Variants in ZNF74 observed in about 807,000 individuals in gnomAD.
ZNF74 encodes zinc finger protein 520.
A neutral mutation model predicts 17.7 loss-of-function variants in ZNF74; 12 were observed. The observed-to-expected ratio is 0.68, with a 90% CI of 0.43 to 1.10. ZNF74 has a LOEUF of 1.10. Among genes scored for constraint, ZNF74 ranks in the 50% least tolerant of loss-of-function variants. ZNF74 has a pLI of 0.00. For missense variants in ZNF74, 811 were observed against 881.0 expected (o/e 0.92, Z 1.01); for synonymous variants, 358 against 362.1 (o/e 0.99, Z 0.13).
At chr22:20,402,660 G>C (rs1203808070) in intron 4 of ZNF74, among the ~76,000 whole-genome samples, 1 of 152,254 alleles carries the variant, frequency 6.6e-6, no homozygotes, top group East Asian at 1.9e-4. Flanking sequence ...AATTAGCTGG[G>C]CATGGTGGTG....
At position 20,394,209 on chromosome 22, in the gene ZNF74, G is replaced by C; in HGVS notation, c.-420G>C. On this transcript the variant is annotated 5_prime_UTR_variant, in exon 1 of 5. Transcript: ENST00000400451. The stretch of plus-strand genomic sequence containing the variant: ...CAGTCCTTTTGTGGGAGTCCGGTCT[G>C]TCCACTTGCCGGTCCCTCAGACCGT... 1 of 691,480 alleles carries C rather than the reference G, an allele frequency of 1.4e-6. No homozygotes were observed. The highest frequency in any genetic ancestry group is 2.7e-6 in the Non-Finnish European group (1 of 375,734). 42.8% of individuals were successfully genotyped at this position (691,480 alleles called of 1,614,324 possible).
Position 20,400,656 on chromosome 22 carries a change from G to A in ZNF74, c.145G>A (p.Ala49Thr). The change falls in exon 3 of 5, where the codon GCT (alanine) becomes ACT (threonine). Residue 49 changes from alanine (A) to threonine (T), a missense_variant. Physicochemically the swap from Ala to Thr is moderately conservative, Grantham distance 58. Coordinates refer to ENST00000400451, the MANE Select transcript of ZNF74 (RefSeq NM_003426.4). ...GGAATCGGTGAGTTTCAAGGATGTGGCTGTGGACTTCACCCAGGAGGAGTG... is the reference window on the plus strand; with the variant it reads ...GGAATCGGTGAGTTTCAAGGATGTGACTGTGGACTTCACCCAGGAGGAGTG... ...SKESVSFKDV[A>T]VDFTQEEWGQ... The A allele has an allele frequency of 6.2e-7, 1 of 1,614,158 alleles. No homozygotes were observed. Among genetic ancestry groups the A allele is most frequent in the Non-Finnish European group, 8.5e-7 (1 of 1,180,022 alleles).
intron 1 of ZNF74, 152 bp from the exon 2 acceptor site, chr22:20,395,181 C>T: frequency 1.6e-6 from 1 of 607,886 alleles, no homozygotes; most frequent in Non-Finnish European, 3.0e-6. Context: ...GATGCTGTTT[C>T]TGTTGGTGCT....
Position 20,406,925 on chromosome 22 carries a change from G to C in ZNF74, c.1892G>C (p.Arg631Thr). The C allele has an allele frequency of 6.2e-7, 1 of 1,613,746 alleles. No individual in the cohort carries two copies. Among genetic ancestry groups the C allele is most frequent in the South Asian group, 1.1e-5 (1 of 91,060 alleles). Reference protein sequence around the residue: ...VAKLLCVVPPRAGRNFSLGSK... With the variant: ...VAKLLCVVPPTAGRNFSLGSK... ...AAGCTCTTGTGCGTGGTTCCCCCCA[G>C]AGCTGGCAGGAATTTCTCCCTGGGG... Residue 631 changes from arginine to threonine, a missense_variant, in exon 5 of 5, where the codon AGA becomes ACA. Physicochemically the swap from Arg to Thr is moderately conservative, Grantham distance 71. Coordinates refer to ENST00000400451, the MANE Select transcript of ZNF74 (RefSeq NM_003426.4).
intron 2 of ZNF74, among the ~76,000 whole-genome samples, chr22:20,395,732 C>T (rs1037509759): frequency 6.6e-6 from 1 of 152,150 alleles, no homozygotes; most frequent in African/African-American, 2.4e-5. Flanking sequence ...TGACGGCTCA[C>T]ATGGGGTCGC....
Position 20,401,355 on chromosome 22 carries a change from C to G in ZNF74, c.326C>G (p.Pro109Arg). Residue 109 changes from proline to arginine, a missense_variant, in exon 4 of 5, where the codon CCC becomes CGC. Physicochemically the swap from Pro to Arg is moderately radical, Grantham distance 103. This residue lies in a region of ZNF74 where 666 missense variants were observed against 702.3 expected (regional missense o/e 0.95). Transcript: ENST00000400451. The surrounding 1 kb of genome is among the most constrained non-coding windows in gnomAD (Gnocchi z 4.2). ...CCATGGAGCATGCAGAGGGAAGTCCCCAGAGGGCCCTGTCCAGGTGAGCAG... is the reference window on the plus strand; with the variant it reads ...CCATGGAGCATGCAGAGGGAAGTCCGCAGAGGGCCCTGTCCAGGTGAGCAG... ...EEPWSMQREV[P>R]RGPCPEWELK... 1 of 1,607,290 alleles carries G rather than the reference C, an allele frequency of 6.2e-7. No individual in the cohort carries two copies. The highest frequency in any genetic ancestry group is 1.1e-5 in the South Asian group (1 of 89,588).
chr22:20,395,797 T>G (rs2052286436), intron 2 of ZNF74, among the ~76,000 whole-genome samples: 1 of 152,106 alleles, frequency 6.6e-6, no homozygotes, highest in African/African-American at 2.4e-5. Flanking sequence ...CACGGTTGGT[T>G]TACTGGGACT....
At position 20,401,129 on chromosome 22, in the gene ZNF74, G is replaced by T; in HGVS notation, c.248-148G>T. 1 of 621,944 alleles carries T rather than the reference G, an allele frequency of 1.6e-6. No homozygotes were observed. 38.5% of individuals were successfully genotyped at this position (621,944 alleles called of 1,614,324 possible). A position where few individuals can be genotyped will look rare whatever the true frequency, so the allele number is the denominator to read the frequency against. On this transcript the variant is annotated intron_variant, in intron 3 of 4. Transcript: ENST00000400451. This position sits in a 1 kb window ranked among gnomAD's most constrained non-coding sequence, Gnocchi z 4.2. ...CACTGGGATTTGGGTTCCAGTCTGA[G>T]ACCCTCACTGCTTTTGGCCCAGAGG...
At position 20,408,034 on chromosome 22, in the gene ZNF74, G is replaced by A. The variant is rs2052452142; in HGVS notation, c.*1066G>A. On this transcript the variant is annotated 3_prime_UTR_variant, in exon 5 of 5. Coordinates refer to ENST00000400451, the MANE Select transcript of ZNF74 (RefSeq NM_003426.4). ...CCAGGGCTGGGCAGGGCCACCCTGG[G>A]CTGGTGAGGCTGCCCTGCAGGGCTT... The A allele has an allele frequency of 1.3e-5, 2 of 152,222 alleles. No individual in the cohort carries two copies. The allele number at this position is 152,222 out of a possible 1,614,324, so 9.4% of individuals were successfully genotyped here. A position where few individuals can be genotyped will look rare whatever the true frequency, so the allele number is the denominator to read the frequency against.
Position 20,407,002 on chromosome 22 carries a change from G to T in ZNF74, c.*34G>T. On this transcript the variant is annotated 3_prime_UTR_variant, in exon 5 of 5. Transcript: ENST00000400451. The stretch of plus-strand genomic sequence containing the variant: ...GCTTTGGTGTCAGTAGCTGCTTTCT[G>T]AGCTACTCAACAAGGAAAGCACCCT... 6.4e-7 allele frequency: 1 copy of T among 1,572,958 alleles called. No homozygotes were observed. Among genetic ancestry groups the T allele is most frequent in the South Asian group, 1.2e-5 (1 of 83,456 alleles).
chr22:20,398,983 A>G (rs1294619875), intron 2 of ZNF74, among the ~76,000 whole-genome samples: 2 of 152,316 alleles, frequency 1.3e-5, no homozygotes, highest in African/African-American at 4.8e-5. Flanking sequence ...TTTTCCAGAT[A>G]ACTTTCTATT....
In ZNF74 at chr22:20,395,875, G is replaced by A. The variant is rs186299582; in HGVS notation, c.120+457G>A. 8.5e-5 allele frequency among the ~76,000 whole-genome samples: 13 copies of A among 152,242 alleles called. No homozygotes were observed. The South Asian group carries it at 1.5e-3, about 17-fold the overall frequency. On this transcript the variant is annotated intron_variant, in intron 2 of 4. Transcript: ENST00000400451. Reference sequence around the variant, plus strand: ...ATTGCAGCACTTGGTTAAGAGTGGCGGTAGGGGACACATCCCTGTGTGCTT... The same window carrying A: ...ATTGCAGCACTTGGTTAAGAGTGGCAGTAGGGGACACATCCCTGTGTGCTT...
In ZNF74 at chr22:20,401,763, C is replaced by T. The variant is rs1478436250; in HGVS notation, c.343+391C>T. Among the ~76,000 whole-genome samples, 2 of 151,944 alleles carry T rather than the reference C, an allele frequency of 1.3e-5. No individual in the cohort carries two copies. The highest frequency in any genetic ancestry group is 2.9e-5 in the Non-Finnish European group (2 of 67,990). Reference sequence around the variant, plus strand: ...GCATGAGCATCAGCATCAGGGCCAGCGTCAGCGTCAGGGTCAGAGCCAGCA... The same window carrying T: ...GCATGAGCATCAGCATCAGGGCCAGTGTCAGCGTCAGGGTCAGAGCCAGCA... On this transcript the variant is annotated intron_variant, in intron 4 of 4. Transcript: ENST00000400451. This position sits in a 1 kb window ranked among gnomAD's most constrained non-coding sequence, Gnocchi z 4.2.
At chr22:20,402,102 C>G (rs1265702980) in intron 4 of ZNF74, among the ~76,000 whole-genome samples, 6 of 152,218 alleles carry the variant, frequency 3.9e-5, no homozygotes, top group African/African-American at 1.4e-4. Context: ...ACAGTGACTG[C>G]TGAGCATGTT....
intron 2 of ZNF74, chr22:20,399,640 G>A (rs1210759679): frequency 2.9e-6 from 1 of 348,174 alleles, no homozygotes; most frequent in Admixed American, 4.2e-5. Context: ...GCGCAATCTT[G>A]GCTCACTGCA....
Position 20,407,359 on chromosome 22 carries a change from C to A in ZNF74, c.*391C>A. ...ATCACTTGAGCCCAGGAGTCTAGGACCAGCCTGGACAACATGGTGAGACCT... is the reference window on the plus strand; with the variant it reads ...ATCACTTGAGCCCAGGAGTCTAGGAACAGCCTGGACAACATGGTGAGACCT... On this transcript the variant is annotated 3_prime_UTR_variant, in exon 5 of 5. Transcript: ENST00000400451. The A allele has an allele frequency of 5.2e-6, 1 of 193,528 alleles. No homozygotes were observed. Among genetic ancestry groups the A allele is most frequent in the African/African-American group, 2.4e-5 (1 of 42,488 alleles). The allele number at this position is 193,528 out of a possible 1,614,324, so 12.0% of individuals were successfully genotyped here.
intron 4 of ZNF74, among the ~76,000 whole-genome samples, chr22:20,403,248 G>A (rs1179774035): frequency 1.3e-5 from 2 of 150,994 alleles, no homozygotes; most frequent in African/African-American, 4.9e-5. Flanking sequence ...AGCAACACCA[G>A]CTGAGCTGCA....
chr22:20,405,629 A>T lies in ZNF74; in HGVS notation c.596A>T (p.Asp199Val). 6.2e-7 allele frequency: 1 copy of T among 1,613,242 alleles called. No homozygotes were observed. Among genetic ancestry groups the T allele is most frequent in the Non-Finnish European group, 8.5e-7 (1 of 1,179,658 alleles). Residue 199 changes from aspartate to valine, a missense_variant, in exon 5 of 5, where the codon GAC becomes GTC. Asp to Val is a radical substitution (Grantham distance 152). Coordinates refer to ENST00000400451, the MANE Select transcript of ZNF74 (RefSeq NM_003426.4). ...GTTCCCGAGGGGGGACCCTTGCTGG[A>T]CACACGCAAGAACGTCCAGGCCACT... ...QRVPEGGPLL[D>V]TRKNVQATEG...
At position 20,405,918 on chromosome 22, in the gene ZNF74, G is replaced by A. The variant is rs757050525; in HGVS notation, c.885G>A (p.Arg295=). Residue 295 remains arginine (R), a synonymous_variant, in exon 5 of 5, where the codon CGG becomes CGA. Transcript: ENST00000400451. ...FTWSTNLLEH[R]RIHTGEKPFF... is the part of the protein sequence containing the mutation. Reference sequence around the variant, plus strand: ...GGAGCACCAACCTTCTGGAGCACCGGCGCATCCACACCGGCGAGAAGCCCT... The same window carrying A: ...GGAGCACCAACCTTCTGGAGCACCGACGCATCCACACCGGCGAGAAGCCCT... 15 of 1,613,478 alleles carry A rather than the reference G, an allele frequency of 9.3e-6. No homozygotes were observed. Among genetic ancestry groups the A allele is most frequent in the African/African-American group, 1.3e-5 (1 of 74,800 alleles).
Sources: gnomAD v4.1 joint callset for allele counts (sites outside exome capture counted in the v4.1 genomes callset) on GRCh38, gnomAD v4.1.1 for gene constraint, gnomAD v4.1.1 regional missense constraint, Gnocchi (gnomAD v3.1) non-coding constraint, MANE v1.5 for transcripts, NCBI Gene and HGNC (gene_info 2026-07-23, HGNC 2026-07-21) for gene names.